ELOVL7: variants seen among roughly 807,000 people sequenced by gnomAD.
ELOVL7 encodes the protein very long chain fatty acid elongase 7.
ELOVL7 carries 27 observed loss-of-function variants against 35.7 expected under a neutral mutation model. That is an observed-to-expected ratio of 0.76 (90% CI 0.56 to 1.04). The LOEUF is 1.04. ELOVL7 is among the 50% of genes least tolerant of loss of function. ELOVL7 has a pLI of 0.00. For synonymous variants in ELOVL7, 113 were observed against 114.6 expected (o/e 0.99, Z 0.09); for missense variants, 327 against 340.8 (o/e 0.96, Z 0.32).
chr5:60,786,709 G>C (rs1743608110), intron 3 of ELOVL7, among the ~76,000 whole-genome samples: 1 of 152,048 alleles, frequency 6.6e-6, no homozygotes, highest in Admixed American at 6.5e-5. Flanking sequence ...CACTTTGGGA[G>C]GCCAAGGCGG....
At chr5:60,835,744 C>T (rs979550577) in intron 1 of ELOVL7, among the ~76,000 whole-genome samples, 1 of 152,022 alleles carries the variant, frequency 6.6e-6, no homozygotes, top group Admixed American at 6.6e-5. Flanking sequence ...TTCCTGACCC[C>T]TTAGTGACTC....
chr5:60,797,466 G>A lies in ELOVL7; in HGVS notation c.-35+1714C>T, dbSNP rs186964140. Among the ~76,000 whole-genome samples, 46 of 152,306 alleles carry A rather than the reference G, an allele frequency of 3.0e-4. No homozygotes were observed. The East Asian group carries it at 8.9e-3, about 29-fold the overall frequency. ...TTAGCTTTTGGGTTACAAAAGCTTA[G>A]GCACTTAGCCATACAGAACACAGGG... On this transcript the variant is annotated intron_variant, in intron 2 of 8. Coordinates refer to ENST00000508821, the MANE Select transcript of ELOVL7 (RefSeq NM_024930.3).
At chr5:60,798,100 C>T (rs1167123645) in intron 2 of ELOVL7, among the ~76,000 whole-genome samples, 1 of 152,158 alleles carries the variant, frequency 6.6e-6, no homozygotes, top group Non-Finnish European at 1.5e-5. Context: ...TCTCATGTCT[C>T]CCTAAAATGT....
chr5:60,790,575 T>C (rs1743877190), intron 2 of ELOVL7, among the ~76,000 whole-genome samples: 1 of 152,300 alleles, frequency 6.6e-6, no homozygotes, highest in African/African-American at 2.4e-5. Flanking sequence ...CTCAGCTGAG[T>C]TCAGACTCAA....
chr5:60,818,425 T>A (rs1190740415), intron 1 of ELOVL7, among the ~76,000 whole-genome samples: 2 of 151,914 alleles, frequency 1.3e-5, no homozygotes, highest in Non-Finnish European at 2.9e-5. Flanking sequence ...AGACAAATAC[T>A]TCCTTGTATG....
At chr5:60,810,951 T>C (rs1400593017) in intron 1 of ELOVL7, among the ~76,000 whole-genome samples, 1 of 152,136 alleles carries the variant, frequency 6.6e-6, no homozygotes, top group African/African-American at 2.4e-5. Context: ...TTTTCTCAGT[T>C]TCAATTTTAA....
At chr5:60,829,403 C>T (rs1317079629) in intron 1 of ELOVL7, among the ~76,000 whole-genome samples, 1 of 152,106 alleles carries the variant, frequency 6.6e-6, no homozygotes, top group East Asian at 1.9e-4. Context: ...CTCTATATTT[C>T]TAAAGTCAGC....
chr5:60,795,635 C>T (rs947345705), intron 2 of ELOVL7, among the ~76,000 whole-genome samples: 8 of 152,188 alleles, frequency 5.3e-5, no homozygotes, highest in Admixed American at 2.0e-4. Context: ...GGCTGAATGC[C>T]GATGTCGGAG....
chr5:60,812,117 G>GACTGAGGCAAGAGGACC (rs2112322918), intron 1 of ELOVL7, among the ~76,000 whole-genome samples: 1 of 152,242 alleles, frequency 6.6e-6, no homozygotes, highest in African/African-American at 2.4e-5. Context: ...CTACTCAGGA[G>GACTGAGGCAAGAGGACC]ACTGAGGCAA....
intron 3 of ELOVL7, among the ~76,000 whole-genome samples, chr5:60,779,539 C>G (rs954612337): frequency 5.3e-5 from 8 of 152,184 alleles, no homozygotes; most frequent in Admixed American, 3.9e-4. Flanking sequence ...TGCACCTTGG[C>G]CCTTTTTAGC....
At chr5:60,832,095 A>G (rs1227621110) in intron 1 of ELOVL7, among the ~76,000 whole-genome samples, 1 of 152,228 alleles carries the variant, frequency 6.6e-6, no homozygotes, top group South Asian at 2.1e-4. Context: ...ACGTGTAGTA[A>G]GCAGCAGGAT....
intron 3 of ELOVL7, chr5:60,784,051 G>T: frequency 1.1e-6 from 1 of 881,710 alleles, no homozygotes; most frequent in African/African-American, 1.6e-5. Context: ...GTTTCTAAGA[G>T]TGTCCCAGGG....
At chr5:60,759,146 C>T (rs1348513041) in intron 7 of ELOVL7, among the ~76,000 whole-genome samples, 1 of 152,130 alleles carries the variant, frequency 6.6e-6, no homozygotes. Context: ...TAAATAATTA[C>T]TTTTAAGCAG....
At position 60,761,878 on chromosome 5, in the gene ELOVL7, GC is replaced by G. The variant is rs112159307; in HGVS notation, c.499+2348del. Among the ~76,000 whole-genome samples the G allele has an allele frequency of 1.2e-3, 182 of 152,172 alleles. 1 individual carries two copies. Among genetic ancestry groups the G allele is most frequent in the African/African-American group, 4.4e-3 (181 of 41,508 alleles). ...TATATACTCAGCTATAAAGAAGAGG[GC>G]AAATGGGCCTGCGGCATATTCGATA... On this transcript the variant is annotated intron_variant, in intron 7 of 8. Transcript: ENST00000508821.
intron 3 of ELOVL7, among the ~76,000 whole-genome samples, chr5:60,782,557 A>T (rs780294225): frequency 6.6e-6 from 1 of 152,246 alleles, no homozygotes; most frequent in Non-Finnish European, 1.5e-5. Context: ...ATCTAAAGTT[A>T]TGCCTTTCTG....
intron 1 of ELOVL7, among the ~76,000 whole-genome samples, chr5:60,836,827 C>T (rs963589616): frequency 4.0e-5 from 6 of 151,886 alleles, no homozygotes; most frequent in Non-Finnish European, 5.9e-5. Flanking sequence ...CTAGATCTCA[C>T]GTTTCTACCA....
intron 1 of ELOVL7, among the ~76,000 whole-genome samples, chr5:60,820,732 T>C (rs1745833854): frequency 6.6e-6 from 1 of 152,196 alleles, no homozygotes; most frequent in East Asian, 1.9e-4. Context: ...TCAGAAACTG[T>C]GAGCCATCCT....
rs767905044 is a variant in ELOVL7 at position 60,766,584 on chromosome 5, A to C, written c.383T>G (p.Leu128Arg). The change falls in exon 6 of 9, where the codon CTA (leucine) becomes CGA (arginine). Residue 128 changes from leucine to arginine, a missense_variant. Physicochemically the swap from Leu to Arg is moderately radical, Grantham distance 102. Coordinates refer to ENST00000508821, the MANE Select transcript of ELOVL7 (RefSeq NM_024930.3). ...TGGCCATATACTCACCGTATCTAAT[A>C]GCTCAATAAATTTGGAGAAGTAATA... ...WLYYFSKFIE[L>R]LDTIFFVLRK... The C allele has an allele frequency of 6.2e-7, 1 of 1,612,674 alleles. No individual in the cohort carries two copies. Among genetic ancestry groups the C allele is most frequent in the Non-Finnish European group, 8.5e-7 (1 of 1,179,238 alleles).
At chr5:60,820,059 C>G (rs1211356720) in intron 1 of ELOVL7, among the ~76,000 whole-genome samples, 1 of 152,210 alleles carries the variant, frequency 6.6e-6, no homozygotes, top group Non-Finnish European at 1.5e-5. Context: ...TTCAGTGCAA[C>G]TTTGCTGGCT....
Sources: gnomAD v4.1 joint callset for allele counts (sites outside exome capture counted in the v4.1 genomes callset) on GRCh38, gnomAD v4.1.1 for gene constraint, MANE v1.5 for transcripts, NCBI Gene and HGNC (gene_info 2026-07-23, HGNC 2026-07-21) for gene names.